Variants in MYT1L observed in about 807,000 individuals in gnomAD.
MYT1L encodes the protein myelin transcription factor 1 like.
MYT1L carries 12 observed loss-of-function variants against 126.7 expected under a neutral mutation model. The ratio of observed to expected loss-of-function variants is 0.09; its 90% CI spans 0.06 to 0.15. MYT1L has a LOEUF of 0.15. MYT1L is among the 10% of genes least tolerant of loss of function. The probability of loss-of-function intolerance (pLI) is 1.00; values close to 1 mark genes in which losing one functional copy is unlikely to be tolerated. For synonymous variants in MYT1L, 541 were observed against 604.2 expected, an observed-to-expected ratio of 0.90 and a Z score of 1.53; for missense variants, 979 against 1,585.2, an observed-to-expected ratio of 0.62 and a Z score of 6.49.
intron 3 of MYT1L, among the ~76,000 whole-genome samples, chr2:2,165,753 T>C (rs1322217671): frequency 6.6e-6 from 1 of 152,082 alleles, no homozygotes; most frequent in African/African-American, 2.4e-5. Flanking sequence ...TAGAAATAAT[T>C]TTGAGATTCT....
At chr2:1,934,256 G>A (rs10199754) in intron 9 of MYT1L, among the ~76,000 whole-genome samples, 68,165 of 146,230 alleles carry the variant, frequency 0.47, 18,432 homozygotes, top group African/African-American at 0.74. Context: ...TACAGGCGTG[G>A]GCCACAGCCC....
chr2:2,264,403 C>A (rs2095067437), intron 2 of MYT1L, among the ~76,000 whole-genome samples: 2 of 151,812 alleles, frequency 1.3e-5, no homozygotes, highest in Non-Finnish European at 2.9e-5. Flanking sequence ...ACCCCACCCC[C>A]AAAAAAAATC....
At chr2:2,318,426 G>A (rs2096106004) in intron 1 of MYT1L, among the ~76,000 whole-genome samples, 1 of 152,142 alleles carries the variant, frequency 6.6e-6, no homozygotes, top group Non-Finnish European at 1.5e-5. Context: ...AGGTGGCTTT[G>A]CCCATTTGTA....
rs2060407502 is a variant in MYT1L at position 1,979,181 on chromosome 2, A to G, written c.136T>C (p.Tyr46His). Residue 46 changes from tyrosine to histidine, a missense_variant, in exon 8 of 25, where the codon TAT becomes CAT. Physicochemically the swap from Tyr to His is moderately conservative, Grantham distance 83. Around this residue, in one of 12 missense-constraint regions of MYT1L, gnomAD observed 12 missense variants for 34.6 expected, o/e 0.35. Transcript: ENST00000647738. This position sits in a 1 kb window ranked among gnomAD's most constrained non-coding sequence, Gnocchi z 4.0. ...CDGSGHVSGK[Y>H]ARHRSVYGCP... ...AGGCATTACCTTCTGTGTCTTGCATATTTGCCACTGACATGACCACTGCCG... is the reference window on the plus strand; with the variant it reads ...AGGCATTACCTTCTGTGTCTTGCATGTTTGCCACTGACATGACCACTGCCG... 6.2e-7 allele frequency: 1 copy of G among 1,613,648 alleles called. No homozygotes were observed. Among genetic ancestry groups the G allele is most frequent in the African/African-American group, 1.3e-5 (1 of 74,916 alleles).
At chr2:1,837,085 A>AAGG (rs1419466527) in intron 21 of MYT1L, among the ~76,000 whole-genome samples, 3 of 150,332 alleles carry the variant, frequency 2.0e-5, no homozygotes, top group African/African-American at 7.5e-5. Context: ...CCTAAGCTCT[A>AAGG]AGCCCTCCCC....
chr2:2,175,578 T>C (rs2148576119), intron 2 of MYT1L, among the ~76,000 whole-genome samples: 1 of 151,724 alleles, frequency 6.6e-6, no homozygotes, highest in Middle Eastern at 3.4e-3. Context: ...AAAGCCCACC[T>C]CAGACACCAC....
chr2:2,279,877 T>C (rs112204045), intron 2 of MYT1L, among the ~76,000 whole-genome samples: 7 of 152,338 alleles, frequency 4.6e-5, no homozygotes, highest in Admixed American at 3.3e-4. Flanking sequence ...AAGCTGTTGT[T>C]AGCAGACAGC....
intron 18 of MYT1L, among the ~76,000 whole-genome samples, chr2:1,868,470 T>TAATTGGG (rs1021490747): frequency 5.9e-5 from 9 of 152,162 alleles, no homozygotes; most frequent in Non-Finnish European, 1.5e-5. Context: ...AAACCCTTGA[T>TAATTGGG]AATTGGGAAG....
chr2:2,248,361 C>G (rs933931065), intron 2 of MYT1L, among the ~76,000 whole-genome samples: 1 of 152,046 alleles, frequency 6.6e-6, no homozygotes, highest in African/African-American at 2.4e-5. Flanking sequence ...AGACCCATAA[C>G]AAGTAATGAG....
chr2:2,033,333 C>T (rs1213543420), intron 4 of MYT1L, among the ~76,000 whole-genome samples: 2 of 142,334 alleles, frequency 1.4e-5, no homozygotes, highest in African/African-American at 2.7e-5. Flanking sequence ...CTCGCCAGTG[C>T]CTCTCATCCT....
intron 4 of MYT1L, among the ~76,000 whole-genome samples, chr2:2,008,634 CT>C (rs2063545105): frequency 6.6e-6 from 1 of 152,032 alleles, no homozygotes; most frequent in African/African-American, 2.4e-5. Context: ...CTATAGGCTG[CT>C]TTTTCATTGT....
At chr2:1,911,671 G>A (rs1289140522) in intron 12 of MYT1L, among the ~76,000 whole-genome samples, 3 of 152,186 alleles carry the variant, frequency 2.0e-5, no homozygotes, top group Non-Finnish European at 4.4e-5. Flanking sequence ...CTGTACAGGC[G>A]TGCTGCATTC....
intron 3 of MYT1L, among the ~76,000 whole-genome samples, chr2:2,155,796 A>G (rs1185117683): frequency 1.3e-5 from 2 of 152,156 alleles, no homozygotes; most frequent in African/African-American, 4.8e-5. Flanking sequence ...TGTTCACATC[A>G]TCTTTCACCA....
chr2:1,998,617 T>C (rs1198998943), intron 4 of MYT1L, among the ~76,000 whole-genome samples: 1 of 152,200 alleles, frequency 6.6e-6, no homozygotes, highest in East Asian at 1.9e-4. Flanking sequence ...ATGGTAGATA[T>C]GAACCTCAGA....
At chr2:2,305,938 C>T (rs766183489) in intron 1 of MYT1L, 3 of 152,206 alleles carry the variant, frequency 2.0e-5, no homozygotes, top group African/African-American at 7.2e-5. Flanking sequence ...GTATTACATA[C>T]CAAATGGCTG....
At chr2:2,119,568 C>A (rs1045392065) in intron 3 of MYT1L, among the ~76,000 whole-genome samples, 1 of 152,094 alleles carries the variant, frequency 6.6e-6, no homozygotes, top group Non-Finnish European at 1.5e-5. Context: ...AGAAAAAATT[C>A]ATCTTAAAAC....
intron 15 of MYT1L, among the ~76,000 whole-genome samples, chr2:1,890,637 A>C (rs1021602113): frequency 1.3e-5 from 2 of 151,834 alleles, no homozygotes; most frequent in Admixed American, 6.5e-5. Flanking sequence ...ACACATGGAC[A>C]GAAAGTTAAA....
chr2:1,825,402 T>G (rs12477678), intron 21 of MYT1L: 35,766 of 152,156 alleles, frequency 0.24, 4,586 homozygotes, highest in East Asian at 0.58. Flanking sequence ...ATTGGTAGAA[T>G]TTACATGTTA....
At chr2:2,306,322 T>C (rs1281100039) in intron 1 of MYT1L, among the ~76,000 whole-genome samples, 1 of 152,156 alleles carries the variant, frequency 6.6e-6, no homozygotes, top group African/African-American at 2.4e-5. Flanking sequence ...ACAACTATTG[T>C]TTTTTAAGTG....
Sources: gnomAD v4.1 joint callset for allele counts (sites outside exome capture counted in the v4.1 genomes callset) on GRCh38, gnomAD v4.1.1 for gene constraint, gnomAD v4.1.1 regional missense constraint, Gnocchi (gnomAD v3.1) non-coding constraint, MANE v1.5 for transcripts, NCBI Gene and HGNC (gene_info 2026-07-23, HGNC 2026-07-21) for gene names.